MTMR12: variants seen among roughly 807,000 people sequenced by gnomAD.
MTMR12 encodes the protein myotubularin-related protein 12.
A neutral mutation model predicts 96.7 loss-of-function variants in MTMR12; 33 were observed. That is an observed-to-expected ratio of 0.34 (90% CI 0.26 to 0.46). The LOEUF (loss-of-function observed/expected upper bound fraction) is 0.46. Ranked by LOEUF, MTMR12 falls within the 20% of genes least tolerant of loss-of-function variation. The probability of loss-of-function intolerance (pLI) is 1.00; values close to 1 mark genes in which losing one functional copy is unlikely to be tolerated. For synonymous variants in MTMR12, 298 were observed against 327.2 expected (o/e 0.91, Z 0.96); for missense variants, 721 against 896.1 (o/e 0.80, Z 2.49).
At chr5:32,301,895 T>C (rs1751161640) in intron 1 of MTMR12, among the ~76,000 whole-genome samples, 1 of 150,800 alleles carries the variant, frequency 6.6e-6, no homozygotes, top group Admixed American at 6.6e-5. Context: ...ATAATAAAAA[T>C]AAAAATAAAC....
intron 7 of MTMR12, among the ~76,000 whole-genome samples, chr5:32,260,376 G>T (rs947039028): frequency 6.6e-6 from 1 of 151,674 alleles, no homozygotes. Flanking sequence ...GGGAGACCAC[G>T]GAGCAGCGAC....
chr5:32,308,965 A>G (rs1169347967), intron 1 of MTMR12, among the ~76,000 whole-genome samples: 1 of 152,208 alleles, frequency 6.6e-6, no homozygotes, highest in Non-Finnish European at 1.5e-5. Flanking sequence ...CTGTTACAAA[A>G]CATGTTTAGA....
intron 8 of MTMR12, among the ~76,000 whole-genome samples, chr5:32,252,141 G>A (rs577113897): frequency 6.6e-6 from 1 of 152,306 alleles, no homozygotes; most frequent in South Asian, 2.1e-4. Context: ...TTGAAGAACA[G>A]CGGCCAAAGC....
At position 32,239,013 on chromosome 5, in the gene MTMR12, G is replaced by A. The variant is rs147247080; in HGVS notation, c.1332C>T (p.Asn444=). 6.9e-6 allele frequency: 11 copies of A among 1,593,406 alleles called. No individual in the cohort carries two copies. Among genetic ancestry groups the A allele is most frequent in the Middle Eastern group, 1.7e-4 (1 of 6,010 alleles). ...TGAGGGAACTCACCTCCTCTTTGTC[G>A]TTCTGGCGGAGATGGTTGCAGCGAT... ...FLDRCNHLRQ[N]DKEEVPVFLL... The change falls in exon 13 of 16, where the codon AAC becomes AAT. Residue 444 remains asparagine (N), a synonymous_variant. Transcript: ENST00000382142.
chr5:32,273,842 G>A, intron 3 of MTMR12, 138 bp downstream of exon 3: 1 of 1,277,624 alleles, frequency 7.8e-7, no homozygotes, highest in Non-Finnish European at 1.1e-6. Flanking sequence ...ACCAAATGCA[G>A]TTCATACATT....
chr5:32,269,224 G>A (rs371459074), intron 5 of MTMR12, among the ~76,000 whole-genome samples: 1 of 151,586 alleles, frequency 6.6e-6, no homozygotes, highest in Non-Finnish European at 1.5e-5. Flanking sequence ...ACGGGGTTTC[G>A]CTATGTTGGC....
At chr5:32,236,772 G>A (rs539883024) in intron 13 of MTMR12, among the ~76,000 whole-genome samples, 63 of 151,376 alleles carry the variant, frequency 4.2e-4, no homozygotes, top group Non-Finnish European at 8.0e-4. Context: ...AGGAAGAGGA[G>A]GTGGCAATGA....
At chr5:32,274,176 G>A in intron 2 of MTMR12, 54 bp from the exon 3 acceptor site, 3 of 1,585,520 alleles carry the variant, frequency 1.9e-6, no homozygotes, top group Non-Finnish European at 2.6e-6. Context: ...CATACGATAT[G>A]CAAACACTAA....
At chr5:32,241,537 C>T (rs1197992768) in intron 12 of MTMR12, among the ~76,000 whole-genome samples, 3 of 152,180 alleles carry the variant, frequency 2.0e-5, no homozygotes, top group African/African-American at 4.8e-5. Flanking sequence ...AGTTACAGCA[C>T]CAATCTTCCT....
At chr5:32,258,727 A>G (rs1443595475) in intron 7 of MTMR12, among the ~76,000 whole-genome samples, 1 of 152,150 alleles carries the variant, frequency 6.6e-6, no homozygotes, top group African/African-American at 2.4e-5. Context: ...TTTTCAGGAC[A>G]GTCATCTGTG....
intron 1 of MTMR12, among the ~76,000 whole-genome samples, chr5:32,279,803 C>T (rs970208878): frequency 6.6e-6 from 1 of 152,222 alleles, no homozygotes; most frequent in Non-Finnish European, 1.5e-5. Flanking sequence ...AGGGAGCGTG[C>T]AACCTGGATC....
intron 1 of MTMR12, among the ~76,000 whole-genome samples, chr5:32,305,150 G>A (rs1480810223): frequency 1.3e-5 from 2 of 152,144 alleles, no homozygotes; most frequent in Admixed American, 6.5e-5. Context: ...ATGCAGTGGC[G>A]CGATCTTGGC....
chr5:32,309,183 T>A (rs903329111), intron 1 of MTMR12, among the ~76,000 whole-genome samples: 43 of 152,220 alleles, frequency 2.8e-4, no homozygotes, highest in African/African-American at 9.6e-4. Context: ...CATGTGCACT[T>A]GGTGGACGAA....
intron 10 of MTMR12, among the ~76,000 whole-genome samples, chr5:32,245,086 T>C (rs534557171): frequency 5.3e-5 from 8 of 152,198 alleles, no homozygotes; most frequent in Non-Finnish European, 1.0e-4. Flanking sequence ...TGGAGCGCAA[T>C]GTGCAATGGC....
At chr5:32,258,001 C>T (rs978113526) in intron 7 of MTMR12, among the ~76,000 whole-genome samples, 3 of 151,634 alleles carry the variant, frequency 2.0e-5, no homozygotes, top group African/African-American at 7.3e-5. Context: ...GTGGCGGGCA[C>T]CTATGGTCCC....
chr5:32,272,670 C>T (rs948883567), intron 3 of MTMR12, among the ~76,000 whole-genome samples: 6 of 152,152 alleles, frequency 3.9e-5, no homozygotes, highest in African/African-American at 7.2e-5. Flanking sequence ...AGAGCCACCG[C>T]GCGTGGTCCA....
In MTMR12 at chr5:32,228,558, TATATATATATC is replaced by T. The variant is rs200049677; in HGVS notation, c.*1209_*1219del. 876 of 116,400 alleles carry T rather than the reference TATATATATATC, an allele frequency of 7.5e-3. 20 individuals are homozygous for T. Among genetic ancestry groups the T allele is most frequent in the African/African-American group, 0.023 (669 of 28,924 alleles). The allele number at this position is 116,400 out of a possible 1,614,324, so 7.2% of individuals were successfully genotyped here. On this transcript the variant is annotated 3_prime_UTR_variant, in exon 16 of 16. Transcript: ENST00000382142. ...TGATATATATATCATATATATGTGATATATATATATCATATATATATCATATATATGTGATA... is the reference window on the plus strand; with the variant it reads ...TGATATATATATCATATATATGTGATATATATATATCATATATATGTGATA...
At chr5:32,307,131 T>C (rs1424914829) in intron 1 of MTMR12, among the ~76,000 whole-genome samples, 1 of 152,236 alleles carries the variant, frequency 6.6e-6, no homozygotes, top group Non-Finnish European at 1.5e-5. Flanking sequence ...CCTACACATA[T>C]ATCTGCTTGA....
chr5:32,279,610 T>C (rs1199110934), intron 1 of MTMR12, among the ~76,000 whole-genome samples: 1 of 152,156 alleles, frequency 6.6e-6, no homozygotes, highest in Non-Finnish European at 1.5e-5. Flanking sequence ...TAAGAAAAAT[T>C]CCGTTAGGAG....
Sources: gnomAD v4.1 joint callset for allele counts (sites outside exome capture counted in the v4.1 genomes callset) on GRCh38, gnomAD v4.1.1 for gene constraint, MANE v1.5 for transcripts, NCBI Gene and HGNC (gene_info 2026-07-23, HGNC 2026-07-21) for gene names.